The following ABCC12 variants were observed in gnomAD, a reference collection of about 807,000 sequenced individuals.
The protein encoded by ABCC12 is ATP-binding cassette sub-family C member 12.
Under a neutral mutation model 151.1 loss-of-function variants are expected in ABCC12, and 142 were observed. That is an observed-to-expected ratio of 0.94 (90% CI 0.82 to 1.08). The LOEUF (loss-of-function observed/expected upper bound fraction) is 1.08, where lower values mean the gene tolerates loss of function less well. Ranked by LOEUF, ABCC12 falls within the 50% of genes least tolerant of loss-of-function variation. The pLI is 0.00. For synonymous variants in ABCC12, 645 were observed against 646.4 expected, an observed-to-expected ratio of 1.00 and a Z score of 0.03; for missense variants, 1,638 against 1,691.1, an observed-to-expected ratio of 0.97 and a Z score of 0.55.
chr16:48,126,304 G>T (rs1964236292), intron 11 of ABCC12, among the ~76,000 whole-genome samples: 1 of 152,088 alleles, frequency 6.6e-6, no homozygotes, highest in South Asian at 2.1e-4. Context: ...ATTCATCCTT[G>T]TCTTTAGCAG....
chr16:48,081,252 G>T lies in ABCC12; in HGVS notation c.*2463C>A, dbSNP rs1962331141. ...TAATAACCTAAGCCTGTGCTTTGAG[G>T]AATTTGGCTAAATGGCTACTATTAT... On this transcript the variant is annotated 3_prime_UTR_variant, in exon 31 of 31. Coordinates refer to ENST00000311303, the MANE Select transcript of ABCC12 (RefSeq NM_001393797.1). Among the ~76,000 whole-genome samples the T allele has an allele frequency of 6.6e-6, 1 of 152,222 alleles. No homozygotes were observed. The highest frequency in any genetic ancestry group is 2.4e-5 in the African/African-American group (1 of 41,456).
chr16:48,115,597 G>A lies in ABCC12; in HGVS notation c.1807C>T (p.Leu603Phe), dbSNP rs369032761. 52 of 1,613,898 alleles carry A rather than the reference G, an allele frequency of 3.2e-5. No homozygotes were observed. Among genetic ancestry groups the A allele is most frequent in the African/African-American group, 6.7e-5 (5 of 75,064 alleles). The change falls in exon 15 of 31, where the codon CTC (leucine) becomes TTC (phenylalanine). Residue 603 changes from leucine (L) to phenylalanine (F), a missense_variant. Transcript: ENST00000311303. ...LTEIGERGLN[L>F]SGGQRQRISL... ...ATCCTCTGCCTCTGCCCCCCAGAGA[G>A]GTTGAGGCCCCGCTCCCCAATCTGT...
At chr16:48,110,709 C>G (rs1963655303) in intron 18 of ABCC12, among the ~76,000 whole-genome samples, 1 of 152,164 alleles carries the variant, frequency 6.6e-6, no homozygotes, top group African/African-American at 2.4e-5. Flanking sequence ...CCCCAGCAAA[C>G]TCCTATACAA....
At position 48,139,215 on chromosome 16, in the gene ABCC12, C is replaced by A. The variant is rs61741201; in HGVS notation, c.779G>T (p.Gly260Val). ...FCAAYAFFIL[G>V]PTALIGISVY... is the part of the protein sequence containing the mutation. ...TGATATCCCGATGAGAGCTGTGGGCCCCAGAATGAAAAAGGCGTACGCCGC... is the reference window on the plus strand; with the variant it reads ...TGATATCCCGATGAGAGCTGTGGGCACCAGAATGAAAAAGGCGTACGCCGC... Residue 260 changes from glycine (G) to valine (V), a missense_variant, in exon 7 of 31, where the codon GGG becomes GTG. Transcript: ENST00000311303. 2,315 of 1,613,854 alleles carry A rather than the reference C, an allele frequency of 1.4e-3. 18 individuals carry two copies. In the African/African-American group the frequency reaches 0.027, roughly 19 times the overall value.
At chr16:48,152,581 C>G (rs935721087) in intron 2 of ABCC12, among the ~76,000 whole-genome samples, 4 of 152,178 alleles carry the variant, frequency 2.6e-5, no homozygotes, top group African/African-American at 9.7e-5. Context: ...AGTTCTGAAA[C>G]CCAGCTGAAA....
chr16:48,105,014 G>T, intron 21 of ABCC12, 125 bp downstream of exon 21: 10 of 1,080,866 alleles, frequency 9.3e-6, no homozygotes, highest in Non-Finnish European at 1.4e-5. Flanking sequence ...TCCCAGACTA[G>T]ACTGCAAGCT....
Position 48,115,409 on chromosome 16 carries a change from C to T in ABCC12, c.1989+6G>A, listed in dbSNP as rs1468575915. 1.2e-6 allele frequency: 2 copies of T among 1,613,558 alleles called. No homozygotes were observed. The highest frequency in any genetic ancestry group is 1.7e-6 in the Non-Finnish European group (2 of 1,179,800). ...GTGACCTCCTGGATCCTGCATGTCC[C>T]ATCACCTGTAGCTGGTGGGTCACCA... On this transcript the variant is annotated splice_donor_region_variant and intron_variant, in intron 15 of 30. Transcript: ENST00000311303.
At chr16:48,117,566 C>G (rs1281736668) in intron 13 of ABCC12, among the ~76,000 whole-genome samples, 1 of 152,226 alleles carries the variant, frequency 6.6e-6, no homozygotes, top group African/African-American at 2.4e-5. Context: ...TGGCCCCTTC[C>G]CTGGCAGGGT....
chr16:48,107,130 G>A (rs1055666693), intron 20 of ABCC12, among the ~76,000 whole-genome samples, 192 bp downstream of exon 20: 2 of 152,174 alleles, frequency 1.3e-5, no homozygotes, highest in African/African-American at 2.4e-5. Flanking sequence ...TACCCTGCTT[G>A]TCTTGAAAAA....
At chr16:48,089,145 G>C (rs1962769018) in intron 25 of ABCC12, among the ~76,000 whole-genome samples, 1 of 152,218 alleles carries the variant, frequency 6.6e-6, no homozygotes, top group African/African-American at 2.4e-5. Context: ...CCTGGGGCCA[G>C]AATGAGCTTG....
At chr16:48,118,848 C>T (rs2150631776) in intron 13 of ABCC12, among the ~76,000 whole-genome samples, 1 of 152,350 alleles carries the variant, frequency 6.6e-6, no homozygotes, top group Non-Finnish European at 1.5e-5. Flanking sequence ...GACTGTACCT[C>T]CCTGATCCTC....
At chr16:48,107,474 G>A in intron 19 of ABCC12, 49 bp from the exon 20 acceptor site, 1 of 1,535,540 alleles carries the variant, frequency 6.5e-7, no homozygotes, top group Non-Finnish European at 9.0e-7. Context: ...TGAGCACATG[G>A]CAGGGGCTGA....
At chr16:48,141,039 GGCT>G in intron 5 of ABCC12, 119 bp from the exon 6 acceptor site, 1 of 1,373,106 alleles carries the variant, frequency 7.3e-7, no homozygotes, top group Non-Finnish European at 9.8e-7. Context: ...TAATTTTAGT[GGCT>G]GCTGCTGTGC....
Position 48,143,912 on chromosome 16 carries a change from T to A in ABCC12, c.273A>T (p.Lys91Asn), listed in dbSNP as rs770481321. 6.2e-7 allele frequency: 1 copy of A among 1,613,072 alleles called. No homozygotes were observed. The highest frequency in any genetic ancestry group is 1.1e-5 in the South Asian group (1 of 90,988). Residue 91 changes from lysine to asparagine, a missense_variant and splice_region_variant, in exon 4 of 31, where the codon AAA becomes AAT. Lys to Asn is a moderately conservative substitution (Grantham distance 94). Coordinates refer to ENST00000311303, the MANE Select transcript of ABCC12 (RefSeq NM_001393797.1). ...STYDSSDTNA[K>N]RFRVLWDEEV... ...GTGACCCAAGCAAATCCTGGTACCT[T>A]TTGGCATTGGTGTCAGATGAGTCAT...
Sources: allele counts gnomAD v4.1 joint callset (sites outside exome capture counted in the v4.1 genomes callset), GRCh38; gene constraint gnomAD v4.1.1; transcripts MANE v1.5; gene names NCBI Gene and HGNC (gene_info 2026-07-23, HGNC 2026-07-21).